EYS: variants seen among roughly 807,000 people sequenced by gnomAD.
EYS encodes EGF-like photoreceptor maintenance factor.
In EYS, 250 loss-of-function variants were observed where a neutral mutation model predicts 282.1. The ratio of observed to expected loss-of-function variants is 0.89; its 90% CI spans 0.80 to 0.98. EYS has a LOEUF of 0.98. Ranked by LOEUF, EYS falls within the 50% of genes least tolerant of loss-of-function variation. EYS has a pLI of 0.00. For synonymous variants in EYS, 1,355 were observed against 1,282.9 expected (o/e 1.06, Z -1.20); for missense variants, 4,016 against 3,709.0 (o/e 1.08, Z -2.15).
chr6:64,989,607 TTAAA>T (rs1357106410), intron 14 of EYS, among the ~76,000 whole-genome samples: 3 of 142,890 alleles, frequency 2.1e-5, no homozygotes, highest in South Asian at 4.2e-4. Context: ...TTAATTTAAA[TTAAA>T]TAAATATAAA....
chr6:65,531,415 C>T (rs1261970113), intron 2 of EYS, among the ~76,000 whole-genome samples: 3 of 152,074 alleles, frequency 2.0e-5, no homozygotes, highest in Non-Finnish European at 2.9e-5. Context: ...GTTCAGCATT[C>T]GGGATTCTGG....
At chr6:65,606,639 A>G (rs1029616132) in intron 2 of EYS, among the ~76,000 whole-genome samples, 5 of 151,828 alleles carry the variant, frequency 3.3e-5, no homozygotes, top group East Asian at 1.9e-4. Flanking sequence ...CTGAAATTCT[A>G]TAACAAATAC....
chr6:65,628,284 C>CA (rs1766789604), intron 2 of EYS, among the ~76,000 whole-genome samples: 2 of 152,252 alleles, frequency 1.3e-5, no homozygotes, highest in South Asian at 4.1e-4. Context: ...TGTGGAAACT[C>CA]TGTATCTAAC....
intron 5 of EYS, among the ~76,000 whole-genome samples, chr6:65,444,243 A>G (rs1279416181): frequency 1.3e-5 from 2 of 152,014 alleles, no homozygotes; most frequent in Non-Finnish European, 2.9e-5. Context: ...TATTTTTTAA[A>G]AGCTTATCTT....
intron 41 of EYS, among the ~76,000 whole-genome samples, chr6:63,732,444 A>C (rs1257071742): frequency 6.6e-6 from 1 of 152,182 alleles, no homozygotes; most frequent in Non-Finnish European, 1.5e-5. Flanking sequence ...GTACATTTTT[A>C]TTTAGCAGCT....
intron 14 of EYS, among the ~76,000 whole-genome samples, chr6:64,958,730 G>A (rs62416466): frequency 0.27 from 18,413 of 67,614 alleles, 1,495 homozygotes; most frequent in East Asian, 0.44. Context: ...ACGAGACTCC[G>A]TCTCAAAAAA....
At chr6:64,863,700 T>C (rs1489130713) in intron 19 of EYS, among the ~76,000 whole-genome samples, 1 of 152,150 alleles carries the variant, frequency 6.6e-6, no homozygotes, top group Non-Finnish European at 1.5e-5. Context: ...GCTGGTCAGA[T>C]ATTCATCTTT....
At chr6:64,534,415 A>G (rs1764454016) in intron 26 of EYS, among the ~76,000 whole-genome samples, 1 of 152,150 alleles carries the variant, frequency 6.6e-6, no homozygotes, top group African/African-American at 2.4e-5. Flanking sequence ...ATAAAATAAT[A>G]GCATTGCCTC....
At chr6:64,313,874 A>G (rs1419913289) in intron 29 of EYS, among the ~76,000 whole-genome samples, 2 of 152,182 alleles carry the variant, frequency 1.3e-5, no homozygotes, top group African/African-American at 4.8e-5. Flanking sequence ...GAAGCACTAA[A>G]CATGGAAAGG....
In EYS at chr6:65,653,952, C is replaced by T. The variant is rs371460623; in HGVS notation, c.-447-14060G>A. Among the ~76,000 whole-genome samples the T allele has an allele frequency of 4.9e-4, 75 of 152,014 alleles. 3 individuals are homozygous for T. The East Asian group carries it at 9.1e-3, about 18-fold the overall frequency. On this transcript the variant is annotated intron_variant, in intron 1 of 42. Transcript: ENST00000503581. ...CTCACTTTTTAGGTCAACACAGCCA[C>T]CACAACCCGAGCTGCCATTTTCATT...
chr6:65,059,513 T>C (rs1282192261), intron 12 of EYS, among the ~76,000 whole-genome samples: 2 of 152,134 alleles, frequency 1.3e-5, no homozygotes, highest in South Asian at 2.1e-4. Flanking sequence ...AGATTACATA[T>C]GCTATCTTCC....
intron 12 of EYS, among the ~76,000 whole-genome samples, chr6:65,058,186 C>T (rs13191785): frequency 0.2 from 29,773 of 151,956 alleles, 3,357 homozygotes; most frequent in South Asian, 0.25. Context: ...AATCTCGCTC[C>T]GTCTCCCAGG....
At chr6:64,935,487 A>G (rs1419658311) in intron 15 of EYS, among the ~76,000 whole-genome samples, 2 of 151,736 alleles carry the variant, frequency 1.3e-5, no homozygotes. Flanking sequence ...ATAAATTAAT[A>G]AAGCAGAGAA....
intron 28 of EYS, among the ~76,000 whole-genome samples, chr6:64,420,439 G>A (rs1582730994): frequency 6.6e-6 from 1 of 151,814 alleles, no homozygotes; most frequent in South Asian, 2.1e-4. Flanking sequence ...TGTTACTTAT[G>A]CAAATTTCTG....
At chr6:65,232,602 A>G (rs1270475176) in intron 12 of EYS, among the ~76,000 whole-genome samples, 1 of 152,094 alleles carries the variant, frequency 6.6e-6, no homozygotes, top group Non-Finnish European at 1.5e-5. Flanking sequence ...TTCTCCTCTT[A>G]TTAACAGCTT....
At chr6:64,288,211 ACTCATTTTAATGTTTTTTTC>A (rs1768567431) in intron 30 of EYS, among the ~76,000 whole-genome samples, 1 of 151,998 alleles carries the variant, frequency 6.6e-6, no homozygotes, top group Non-Finnish European at 1.5e-5. Flanking sequence ...GTGTCTTTTT[ACTCATTTTAATGTTTTTTTC>A]CTGCTACCTT....
At chr6:64,901,200 T>A (rs1006941830) in intron 18 of EYS, among the ~76,000 whole-genome samples, 1 of 146,994 alleles carries the variant, frequency 6.8e-6, no homozygotes, top group African/African-American at 2.5e-5. Flanking sequence ...TGAGAACACA[T>A]GGACACAGGG....
At chr6:65,022,267 A>G (rs1410270180) in intron 13 of EYS, among the ~76,000 whole-genome samples, 1 of 152,174 alleles carries the variant, frequency 6.6e-6, no homozygotes, top group African/African-American at 2.4e-5. Context: ...AGGTGACTAG[A>G]TGCTTCCTCC....
intron 26 of EYS, among the ~76,000 whole-genome samples, chr6:64,515,795 T>G (rs1777542653): frequency 6.6e-6 from 1 of 151,550 alleles, no homozygotes; most frequent in African/African-American, 2.4e-5. Context: ...TGTTGTTATT[T>G]AAATAAAAAA....
Sources: allele counts gnomAD v4.1 joint callset (sites outside exome capture counted in the v4.1 genomes callset), GRCh38; gene constraint gnomAD v4.1.1; transcripts MANE v1.5; gene names NCBI Gene and HGNC (gene_info 2026-07-23, HGNC 2026-07-21).